The following CNTN3 variants were observed in gnomAD, a reference collection of about 807,000 sequenced individuals.
CNTN3 encodes contactin 3.
In CNTN3, 60 loss-of-function variants were observed where a neutral mutation model predicts 119.1. That is an observed-to-expected ratio of 0.50 (90% CI 0.41 to 0.62). The LOEUF is 0.62. CNTN3 is among the 20% of genes least tolerant of loss of function. The pLI, the probability that CNTN3 is intolerant of heterozygous loss-of-function variation, is 0.00. For synonymous variants in CNTN3, 450 were observed against 438.7 expected (o/e 1.03, Z -0.32); for missense variants, 1,101 against 1,242.4 (o/e 0.89, Z 1.71).
At chr3:74,558,212 T>C (rs959714071) in intron 1 of CNTN3, among the ~76,000 whole-genome samples, 4 of 152,208 alleles carry the variant, frequency 2.6e-5, no homozygotes, top group African/African-American at 9.6e-5. Context: ...CCCCATAGGA[T>C]GGGCTAAGCC....
chr3:74,438,592 T>A (rs2106923740), intron 4 of CNTN3, among the ~76,000 whole-genome samples: 1 of 152,340 alleles, frequency 6.6e-6, no homozygotes, highest in East Asian at 1.9e-4. Flanking sequence ...TTTATCCTCT[T>A]GCTTTTTATA....
intron 20 of CNTN3, among the ~76,000 whole-genome samples, chr3:74,280,480 G>A (rs980850587): frequency 2.0e-5 from 3 of 152,194 alleles, no homozygotes; most frequent in African/African-American, 7.2e-5. Context: ...ATGAATCAAT[G>A]AGAAGCCTAC....
intron 4 of CNTN3, among the ~76,000 whole-genome samples, chr3:74,451,801 A>G (rs1447944628): frequency 4.7e-5 from 7 of 150,180 alleles, no homozygotes; most frequent in Non-Finnish European, 7.4e-5. Context: ...TTTTTCTCAG[A>G]TTTGTCAAAG....
intron 8 of CNTN3, among the ~76,000 whole-genome samples, chr3:74,368,607 T>C (rs1240239195): frequency 1.3e-5 from 2 of 152,054 alleles, no homozygotes; most frequent in East Asian, 3.9e-4. Flanking sequence ...AAATAGACTC[T>C]AAATAAAGGT....
At chr3:74,507,494 G>T (rs1703283644) in intron 2 of CNTN3, among the ~76,000 whole-genome samples, 1 of 151,294 alleles carries the variant, frequency 6.6e-6, no homozygotes, top group Admixed American at 6.6e-5. Context: ...ATCTCATAAA[G>T]TAGAAAAGAG....
chr3:74,383,316 A>G (rs1262038044), intron 5 of CNTN3, among the ~76,000 whole-genome samples: 1 of 152,136 alleles, frequency 6.6e-6, no homozygotes, highest in Non-Finnish European at 1.5e-5. Flanking sequence ...CCACCTATCT[A>G]GTTACCAGCA....
chr3:74,581,240 A>G (rs1353314328), intron 1 of CNTN3, among the ~76,000 whole-genome samples: 1 of 151,942 alleles, frequency 6.6e-6, no homozygotes, highest in Admixed American at 6.6e-5. Context: ...AAAATCTATA[A>G]AAGAAAAAAA....
intron 4 of CNTN3, among the ~76,000 whole-genome samples, chr3:74,468,765 T>C (rs1254476775): frequency 6.6e-6 from 1 of 151,594 alleles, no homozygotes; most frequent in Non-Finnish European, 1.5e-5. Context: ...CCTGTGGTTA[T>C]AGCAAACAAG....
At position 74,297,993 on chromosome 3, in the gene CNTN3, A is replaced by G; in HGVS notation, c.2365T>C (p.Phe789Leu). 1 of 1,614,000 alleles carries G rather than the reference A, an allele frequency of 6.2e-7. No homozygotes were observed. The highest frequency in any genetic ancestry group is 8.5e-7 in the Non-Finnish European group (1 of 1,179,908). Residue 789 changes from phenylalanine to leucine, a missense_variant, in exon 18 of 23, where the codon TTT becomes CTT. Coordinates refer to ENST00000263665, the MANE Select transcript of CNTN3 (RefSeq NM_020872.3). ...GAGAACACTGTTGTCACTGGGCTAA[A>G]TGGTCCTTCACCTTTGTTATTATAA... ...GVYNNKGEGP[F>L]SPVTTVFSAE...
intron 4 of CNTN3, among the ~76,000 whole-genome samples, chr3:74,466,404 C>T (rs1259276943): frequency 6.6e-6 from 1 of 152,070 alleles, no homozygotes; most frequent in Admixed American, 6.5e-5. Flanking sequence ...GTTCATAGTT[C>T]ACAGTCAAAA....
At chr3:74,588,592 T>C (rs935137209) in intron 1 of CNTN3, among the ~76,000 whole-genome samples, 2 of 151,972 alleles carry the variant, frequency 1.3e-5, no homozygotes, top group African/African-American at 4.8e-5. Flanking sequence ...CTTCACAGAA[T>C]TGGAAAAAAC....
At chr3:74,582,037 A>G (rs1704517489) in intron 1 of CNTN3, among the ~76,000 whole-genome samples, 1 of 152,206 alleles carries the variant, frequency 6.6e-6, no homozygotes, top group African/African-American at 2.4e-5. Flanking sequence ...ATGATCACAG[A>G]GGGACAAAAT....
At chr3:74,301,279 A>T in intron 16 of CNTN3, 119 bp downstream of exon 16, 3 of 1,023,030 alleles carry the variant, frequency 2.9e-6, no homozygotes, top group Non-Finnish European at 4.3e-6. Context: ...TAGAAAGGTT[A>T]GATAACTGCA....
At chr3:74,420,184 T>C (rs987475011) in intron 5 of CNTN3, among the ~76,000 whole-genome samples, 5 of 152,198 alleles carry the variant, frequency 3.3e-5, no homozygotes, top group African/African-American at 1.2e-4. Flanking sequence ...CAGCAGTCTG[T>C]TGCTGCGAGG....
At chr3:74,587,115 T>C (rs982510297) in intron 1 of CNTN3, among the ~76,000 whole-genome samples, 2 of 151,966 alleles carry the variant, frequency 1.3e-5, no homozygotes, top group Non-Finnish European at 2.9e-5. Context: ...GTGACCTCTA[T>C]TTCCATGGAG....
At chr3:74,437,387 G>A (rs753384348) in intron 4 of CNTN3, among the ~76,000 whole-genome samples, 3 of 151,942 alleles carry the variant, frequency 2.0e-5, no homozygotes, top group South Asian at 2.1e-4. Flanking sequence ...GCGTGAATCC[G>A]GGAGGCAGAG....
chr3:74,355,532 GC>G (rs1703915164), intron 11 of CNTN3, among the ~76,000 whole-genome samples: 1 of 151,962 alleles, frequency 6.6e-6, no homozygotes, highest in African/African-American at 2.4e-5. Flanking sequence ...TCGGTACACT[GC>G]AACCTCCAAC....
intron 4 of CNTN3, among the ~76,000 whole-genome samples, chr3:74,486,013 T>C (rs1307005203): frequency 6.6e-6 from 1 of 152,164 alleles, no homozygotes; most frequent in Non-Finnish European, 1.5e-5. Context: ...CAGTCTTTCT[T>C]CCTTAATATT....
chr3:74,587,033 G>C (rs1279165180), intron 1 of CNTN3, among the ~76,000 whole-genome samples: 1 of 151,910 alleles, frequency 6.6e-6, no homozygotes, highest in East Asian at 1.9e-4. Context: ...GTCTCTCAAA[G>C]ATGCAAGGAG....
Sources: allele counts gnomAD v4.1 joint callset (sites outside exome capture counted in the v4.1 genomes callset), GRCh38; gene constraint gnomAD v4.1.1; transcripts MANE v1.5; gene names NCBI Gene and HGNC (gene_info 2026-07-23, HGNC 2026-07-21).